PPP2R3C: variants seen among roughly 807,000 people sequenced by gnomAD.
PPP2R3C encodes the protein protein phosphatase 2 regulatory subunit B''gamma.
PPP2R3C carries 47 observed loss-of-function variants against 63.7 expected under a neutral mutation model. The ratio of observed to expected loss-of-function variants is 0.74; its 90% CI spans 0.58 to 0.94. The LOEUF is 0.94. PPP2R3C is among the 40% of genes least tolerant of loss of function. The pLI, the probability that PPP2R3C is intolerant of heterozygous loss-of-function variation, is 0.00. For missense variants in PPP2R3C, 421 were observed against 518.4 expected (o/e 0.81, Z 1.82); for synonymous variants, 180 against 177.4 (o/e 1.01, Z -0.12).
At chr14:35,087,386 C>A (rs2008130) in intron 12 of PPP2R3C, 23,687 of 155,506 alleles carry the variant, frequency 0.15, 1,987 homozygotes, top group Middle Eastern at 0.22. Context: ...ATAGACTGTA[C>A]TGACTGTCTT....
intron 10 of PPP2R3C, among the ~76,000 whole-genome samples, chr14:35,094,523 G>A (rs1214073756): frequency 6.7e-6 from 1 of 148,382 alleles, no homozygotes; most frequent in African/African-American, 2.5e-5. Flanking sequence ...TACAGTAGGT[G>A]CACTGACAAT....
chr14:35,096,319 A>G (rs1000017804), intron 9 of PPP2R3C, among the ~76,000 whole-genome samples: 5 of 152,116 alleles, frequency 3.3e-5, no homozygotes, highest in African/African-American at 1.2e-4. Context: ...ATGTCACTGC[A>G]CTCCAGCCAG....
intron 6 of PPP2R3C, among the ~76,000 whole-genome samples, chr14:35,106,080 C>T (rs1364422779): frequency 2.6e-5 from 4 of 151,460 alleles, no homozygotes; most frequent in Non-Finnish European, 5.9e-5. Flanking sequence ...CTCCTGACCT[C>T]GTGATCCGCC....
intron 1 of PPP2R3C, among the ~76,000 whole-genome samples, chr14:35,121,615 C>G (rs11851907): frequency 0.38 from 58,176 of 152,008 alleles, 11,403 homozygotes; most frequent in Middle Eastern, 0.47. Flanking sequence ...TGGTGGGGTT[C>G]AGGCGTTGTT....
At chr14:35,095,210 CT>C (rs2045953961) in intron 9 of PPP2R3C, 26 bp from the exon 10 acceptor site, 2 of 1,588,698 alleles carry the variant, frequency 1.3e-6, no homozygotes, top group African/African-American at 2.7e-5. Flanking sequence ...AATAAAGACA[CT>C]TATGACCACA....
chr14:35,117,749 C>T (rs989228073), intron 1 of PPP2R3C, among the ~76,000 whole-genome samples: 8 of 151,834 alleles, frequency 5.3e-5, no homozygotes, highest in African/African-American at 1.9e-4. Context: ...GGCTGGGGCG[C>T]AATGGTACGA....
chr14:35,121,886 C>G lies in PPP2R3C; in HGVS notation c.58+16G>C. 6.2e-7 allele frequency: 1 copy of G among 1,614,086 alleles called. No individual in the cohort carries two copies. The highest frequency in any genetic ancestry group is 8.5e-7 in the Non-Finnish European group (1 of 1,179,928). The stretch of plus-strand genomic sequence containing the variant: ...GGGCCGGGCCATCCCAACGGGCTGC[C>G]CCTCCCAAAACTCACTGTTTGGACA... On this transcript the variant is annotated intron_variant, in intron 1 of 12. Coordinates refer to ENST00000261475, the MANE Select transcript of PPP2R3C (RefSeq NM_017917.4).
chr14:35,092,070 T>C (rs1337020703), intron 10 of PPP2R3C, among the ~76,000 whole-genome samples: 1 of 151,808 alleles, frequency 6.6e-6, no homozygotes, highest in Admixed American at 6.6e-5. Flanking sequence ...TAATTTTCTT[T>C]CATTATTCTT....
chr14:35,108,002 C>T, intron 5 of PPP2R3C, 137 bp downstream of exon 5: 1 of 1,280,084 alleles, frequency 7.8e-7, no homozygotes, highest in Non-Finnish European at 1.0e-6. Flanking sequence ...TTATGTAACA[C>T]ATCTTGGTCA....
chr14:35,104,745 T>G (rs1388501999), intron 6 of PPP2R3C, among the ~76,000 whole-genome samples: 1 of 152,178 alleles, frequency 6.6e-6, no homozygotes, highest in Non-Finnish European at 1.5e-5. Flanking sequence ...CATATTTTCT[T>G]TTTTCTTTTG....
At chr14:35,099,081 C>T in intron 7 of PPP2R3C, 171 bp downstream of exon 7, 3 of 860,706 alleles carry the variant, frequency 3.5e-6, no homozygotes, top group Non-Finnish European at 5.0e-6. Context: ...ATAAACATAA[C>T]CAAAGTACTG....
chr14:35,108,309 C>A, intron 4 of PPP2R3C, 73 bp from the exon 5 acceptor site: 2 of 1,464,412 alleles, frequency 1.4e-6, no homozygotes, highest in South Asian at 1.4e-5. Flanking sequence ...AATTAGCAAA[C>A]AATGGCATAA....
intron 1 of PPP2R3C, among the ~76,000 whole-genome samples, chr14:35,119,980 T>C (rs1595135876): frequency 6.7e-6 from 1 of 149,938 alleles, no homozygotes; most frequent in African/African-American, 2.5e-5. Flanking sequence ...GCCTCCTGAG[T>C]AGCTGGGACT....
chr14:35,119,126 C>G (rs111730294), intron 1 of PPP2R3C, among the ~76,000 whole-genome samples: 11,227 of 151,748 alleles, frequency 0.074, 516 homozygotes, highest in Middle Eastern at 0.11. Context: ...CAACTTCTGC[C>G]TCCTGGGTTC....
chr14:35,122,180 G>A, upstream of PPP2R3C: 1 of 566,374 alleles, frequency 1.8e-6, no homozygotes. Flanking sequence ...AACTATGAAA[G>A]AGATGGAAAA....
chr14:35,086,169 CAA>C (rs2045587597), intron 12 of PPP2R3C: 1 of 158,998 alleles, frequency 6.3e-6, no homozygotes, highest in African/African-American at 2.4e-5. Flanking sequence ...ATTGGTGAAA[CAA>C]AGTTTTGTCT....
At chr14:35,102,211 A>AG (rs1566414310) in intron 6 of PPP2R3C, 1 of 152,020 alleles carries the variant, frequency 6.6e-6, no homozygotes, top group African/African-American at 2.4e-5. Context: ...TTTAGTAGAG[A>AG]GGGGGTTTCG....
Position 35,096,557 on chromosome 14 carries a change from C to CCATAAACT in PPP2R3C, c.831_838dup (p.Gly280GlufsTer7). 1.9e-6 allele frequency: 3 copies of CCATAAACT among 1,610,574 alleles called. No individual in the cohort carries two copies. The highest frequency in any genetic ancestry group is 2.5e-6 in the Non-Finnish European group (3 of 1,177,086). The stretch of plus-strand genomic sequence containing the variant: ...ATTTTAGCATTATGATAGGAACATA[C>CCATAAACT]CATAAACTCTTAGGGCAGAAGGAGC... On this transcript the variant is annotated frameshift_variant and splice_region_variant. Transcript: ENST00000261475. LOFTEE classifies it high-confidence loss of function.
intron 1 of PPP2R3C, among the ~76,000 whole-genome samples, chr14:35,120,010 C>CTA (rs1444659278): frequency 1.3e-5 from 2 of 149,636 alleles, no homozygotes; most frequent in African/African-American, 2.5e-5. Flanking sequence ...CGCCACCGCA[C>CTA]CCGTCTAATT....
Sources: gnomAD v4.1 joint callset for allele counts (sites outside exome capture counted in the v4.1 genomes callset) on GRCh38, gnomAD v4.1.1 for gene constraint, MANE v1.5 for transcripts, NCBI Gene and HGNC (gene_info 2026-07-23, HGNC 2026-07-21) for gene names.